The following TRAPPC9 variants were observed in gnomAD, a reference collection of about 807,000 sequenced individuals.
The protein encoded by TRAPPC9 is IKK2 binding protein.
A neutral mutation model predicts 124.0 loss-of-function variants in TRAPPC9; 83 were observed. The observed-to-expected ratio is 0.67, with a 90% CI of 0.56 to 0.80. TRAPPC9 has a LOEUF of 0.80. TRAPPC9 is among the 30% of genes least tolerant of loss of function. TRAPPC9 has a pLI of 0.00. For synonymous variants in TRAPPC9, 638 were observed against 617.5 expected (o/e 1.03, Z -0.49); for missense variants, 1,302 against 1,508.3 (o/e 0.86, Z 2.27).
intron 16 of TRAPPC9, among the ~76,000 whole-genome samples, chr8:140,246,284 G>A (rs1291460615): frequency 6.6e-6 from 1 of 152,116 alleles, no homozygotes; most frequent in East Asian, 1.9e-4. Context: ...TCACCTTCCT[G>A]CTCTGTTTCC....
intron 21 of TRAPPC9, among the ~76,000 whole-genome samples, chr8:139,780,435 C>G (rs1294727310): frequency 1.3e-5 from 2 of 152,096 alleles, no homozygotes. Context: ...GAAAATATAG[C>G]CTTTTAAACA....
At chr8:139,811,981 G>C (rs1237941658) in intron 21 of TRAPPC9, among the ~76,000 whole-genome samples, 1 of 152,214 alleles carries the variant, frequency 6.6e-6, no homozygotes. Flanking sequence ...GCTTGCTGGG[G>C]ACAGTGGGAG....
intron 16 of TRAPPC9, among the ~76,000 whole-genome samples, chr8:140,222,615 C>T (rs2063360032): frequency 6.6e-6 from 1 of 152,220 alleles, no homozygotes; most frequent in Non-Finnish European, 1.5e-5. Flanking sequence ...CTGCACTGGT[C>T]TCCAAGGCCT....
chr8:140,329,131 A>G (rs1796457215), intron 9 of TRAPPC9, among the ~76,000 whole-genome samples: 1 of 152,150 alleles, frequency 6.6e-6, no homozygotes, highest in African/African-American at 2.4e-5. Context: ...TGAAGGTGAC[A>G]AAGAAAAACA....
intron 19 of TRAPPC9, among the ~76,000 whole-genome samples, chr8:139,927,685 C>G (rs1832895283): frequency 6.6e-6 from 1 of 151,994 alleles, no homozygotes; most frequent in Admixed American, 6.6e-5. Context: ...ATAGCAATAG[C>G]CAAAAAAGTA....
chr8:140,115,081 A>G (rs2060853558), intron 17 of TRAPPC9, among the ~76,000 whole-genome samples: 1 of 152,074 alleles, frequency 6.6e-6, no homozygotes. Context: ...AAGCAATAAA[A>G]AGTGCAGCCA....
intron 21 of TRAPPC9, among the ~76,000 whole-genome samples, chr8:139,793,134 C>T (rs927864886): frequency 4.6e-5 from 7 of 152,154 alleles, no homozygotes; most frequent in Non-Finnish European, 1.0e-4. Flanking sequence ...GCTGCATGCA[C>T]TGGGCAAGGT....
At chr8:140,409,941 A>G (rs2069636070) in intron 5 of TRAPPC9, among the ~76,000 whole-genome samples, 1 of 152,048 alleles carries the variant, frequency 6.6e-6, no homozygotes, top group Admixed American at 6.5e-5. Flanking sequence ...GTTCAAGACT[A>G]GCCTGATCAA....
At chr8:140,347,718 G>C (rs1484528847) in intron 9 of TRAPPC9, among the ~76,000 whole-genome samples, 1 of 152,178 alleles carries the variant, frequency 6.6e-6, no homozygotes, top group Admixed American at 6.5e-5. Flanking sequence ...CAATAGAGTT[G>C]ACTCCTACTG....
In TRAPPC9 at chr8:139,732,171, G is replaced by A. The variant is rs561829257; in HGVS notation, c.3087C>T (p.Arg1029=). The change falls in exon 22 of 23, where the codon CGC becomes CGT. Residue 1029 remains arginine, a synonymous_variant. Transcript: ENST00000438773. ...CCACCTGGCAGGCCGCCACAGCCTC[G>A]CGGTCACATGGCTGTCCGTCCACCA... The part of the protein sequence containing the change: ...DVLVDGQPCD[R]EAVAACQVGD... 1.9e-4 allele frequency: 310 copies of A among 1,598,532 alleles called. 3 individuals are homozygous for A. In the South Asian group the frequency reaches 3.3e-3, roughly 17 times the overall value.
chr8:140,258,993 C>T (rs1434698706), intron 15 of TRAPPC9, among the ~76,000 whole-genome samples: 1 of 152,236 alleles, frequency 6.6e-6, no homozygotes, highest in Non-Finnish European at 1.5e-5. Flanking sequence ...ACCAGCCGCC[C>T]CTTTGGGTCC....
intron 21 of TRAPPC9, among the ~76,000 whole-genome samples, chr8:139,765,561 G>A (rs184201121): frequency 1.4e-4 from 21 of 152,348 alleles, no homozygotes; most frequent in African/African-American, 4.8e-4. Flanking sequence ...AGGCAAGGAA[G>A]GGAGGGCTTT....
chr8:139,929,315 T>G (rs1832986133), intron 19 of TRAPPC9, among the ~76,000 whole-genome samples: 1 of 152,200 alleles, frequency 6.6e-6, no homozygotes, highest in African/African-American at 2.4e-5. Flanking sequence ...ATGAATCTAC[T>G]GAAAGCTTGG....
chr8:139,930,596 A>C (rs1327469733), intron 19 of TRAPPC9, among the ~76,000 whole-genome samples: 1 of 152,222 alleles, frequency 6.6e-6, no homozygotes, highest in African/African-American at 2.4e-5. Context: ...ATTAATATTC[A>C]AAGGCCATCT....
intron 17 of TRAPPC9, among the ~76,000 whole-genome samples, chr8:140,128,337 G>A (rs1052986004): frequency 6.6e-6 from 1 of 152,196 alleles, no homozygotes; most frequent in Non-Finnish European, 1.5e-5. Flanking sequence ...CTCCAGCTCT[G>A]GCGTAAGCAA....
chr8:140,221,199 T>C (rs1329274049), intron 17 of TRAPPC9, among the ~76,000 whole-genome samples: 1 of 152,210 alleles, frequency 6.6e-6, no homozygotes, highest in African/African-American at 2.4e-5. Context: ...GAGAGTCTGC[T>C]TTAATCACCG....
At chr8:140,147,058 C>G (rs1021016690) in intron 17 of TRAPPC9, among the ~76,000 whole-genome samples, 3 of 152,178 alleles carry the variant, frequency 2.0e-5, no homozygotes, top group Non-Finnish European at 1.5e-5. Flanking sequence ...AAAGTAGCAG[C>G]ATCTTCTTTT....
At chr8:140,286,541 G>T (rs1354316462) in intron 13 of TRAPPC9, among the ~76,000 whole-genome samples, 1 of 152,168 alleles carries the variant, frequency 6.6e-6, no homozygotes, top group African/African-American at 2.4e-5. Flanking sequence ...GAGAGAAGCA[G>T]CAGTTCTCAG....
chr8:140,001,030 T>C (rs148319372), intron 18 of TRAPPC9, among the ~76,000 whole-genome samples: 1,711 of 152,252 alleles, frequency 0.011, 32 homozygotes, highest in African/African-American at 0.039. Flanking sequence ...GGCACATATA[T>C]ACCATGGAAT....
Sources: gnomAD v4.1 joint callset for allele counts (sites outside exome capture counted in the v4.1 genomes callset) on GRCh38, gnomAD v4.1.1 for gene constraint, MANE v1.5 for transcripts, NCBI Gene and HGNC (gene_info 2026-07-23, HGNC 2026-07-21) for gene names.